The following GDA variants were observed in gnomAD, a reference collection of about 807,000 sequenced individuals.
GDA encodes cytoplasmic PSD-95 interactor.
GDA carries 18 observed loss-of-function variants against 59.6 expected under a neutral mutation model. That is an observed-to-expected ratio of 0.30 (90% confidence interval 0.21 to 0.45). The LOEUF is 0.45. Among genes scored for constraint, GDA ranks in the 20% least tolerant of loss-of-function variants. The pLI, the probability that GDA is intolerant of heterozygous loss-of-function variation, is 1.00. For missense variants in GDA, 427 were observed against 552.3 expected (o/e 0.77, Z 2.27); for synonymous variants, 201 against 201.1 (o/e 1.00, Z 0.00).
rs143504573 is a variant in GDA at position 72,188,175 on chromosome 9, G to A, written c.124-7325G>A. 5.7e-4 allele frequency among the ~76,000 whole-genome samples: 87 copies of A among 152,332 alleles called. No individual in the cohort carries two copies. In the Middle Eastern group the frequency reaches 0.01, roughly 18 times the overall value. The stretch of plus-strand genomic sequence containing the variant: ...AACAACAAAAAAGCATTCTAGTGTG[G>A]AACCAAGAGACCATTTACTGACGAG... On this transcript the variant is annotated intron_variant, in intron 1 of 13. Coordinates refer to ENST00000358399, the MANE Select transcript of GDA (RefSeq NM_004293.5).
chr9:72,126,296 C>T (rs949305752), intron 1 of GDA, among the ~76,000 whole-genome samples: 1 of 152,118 alleles, frequency 6.6e-6, no homozygotes, highest in Admixed American at 6.6e-5. Flanking sequence ...TTAGTTTGTT[C>T]GTTTATCTGT....
Position 72,194,869 on chromosome 9 carries a change from C to T in GDA, c.124-631C>T, listed in dbSNP as rs577109064. Among the ~76,000 whole-genome samples, 10 of 152,310 alleles carry T rather than the reference C, an allele frequency of 6.6e-5. No individual in the cohort carries two copies. In the South Asian group the frequency reaches 8.3e-4, roughly 13 times the overall value. On this transcript the variant is annotated intron_variant, in intron 1 of 13. Transcript: ENST00000358399. ...TTTGAATGTTCCCTCTGTGGGCAGA[C>T]ATCAGCTAAGTTTGGTCCAGTTTTC...
chr9:72,176,498 C>A (rs1378898688), intron 1 of GDA, among the ~76,000 whole-genome samples: 2 of 152,156 alleles, frequency 1.3e-5, no homozygotes, highest in African/African-American at 4.8e-5. Context: ...TGTTTGAAAT[C>A]TGAGCTGTGG....
At chr9:72,144,888 CTT>C (rs771762983), upstream of GDA, among the ~76,000 whole-genome samples, 49 of 141,818 alleles carry the variant, frequency 3.5e-4, no homozygotes, top group Admixed American at 1.3e-3. Context: ...TTTGGTGTAT[CTT>C]TTTTTTTTTT....
In GDA at chr9:72,250,795, A is replaced by G; in HGVS notation, c.*2453A>G. ...CAGCCTCCTCACCCCATCCTCCACC[A>G]TTTCCTTAATGTTCCATGGTATTTT... On this transcript the variant is annotated 3_prime_UTR_variant, in exon 14 of 14. Coordinates refer to ENST00000358399, the MANE Select transcript of GDA (RefSeq NM_004293.5). The G allele has an allele frequency of 1.9e-6, 3 of 1,609,776 alleles. No homozygotes were observed. Among genetic ancestry groups the G allele is most frequent in the East Asian group, 2.2e-5 (1 of 44,850 alleles).
intron 1 of GDA, among the ~76,000 whole-genome samples, chr9:72,117,927 A>G (rs1298129179): frequency 6.6e-6 from 1 of 152,184 alleles, no homozygotes; most frequent in African/African-American, 2.4e-5. Context: ...ACTGGACAAA[A>G]TATTGGTTGA....
chr9:72,114,964 GTTTATTTTT>G (rs1387215062), intron 1 of GDA: 1 of 152,180 alleles, frequency 6.6e-6, no homozygotes, highest in Non-Finnish European at 1.5e-5. Flanking sequence ...ACAGAGGTAA[GTTTATTTTT>G]GATGGACCTG....
chr9:72,229,171 TAAAAAA>T (rs34554102), intron 9 of GDA: 18 of 42,308 alleles, frequency 4.3e-4, no homozygotes, highest in Non-Finnish European at 5.6e-4. Flanking sequence ...CAGTCTCTAC[TAAAAAA>T]AAAAAAAAAA....
intron 1 of GDA, among the ~76,000 whole-genome samples, chr9:72,139,806 A>T (rs1275798847): frequency 1.3e-5 from 2 of 152,214 alleles, no homozygotes; most frequent in Non-Finnish European, 2.9e-5. Flanking sequence ...TTGTTTTGAG[A>T]GGAAAATGAA....
intron 4 of GDA, 55 bp downstream of exon 4, chr9:72,210,829 C>T (rs756018205): frequency 3.1e-5 from 33 of 1,074,286 alleles, no homozygotes; most frequent in Middle Eastern, 2.0e-4. Context: ...GCCAGACCAT[C>T]GTGGCAAACA....
chr9:72,175,343 C>T (rs1055852010), intron 1 of GDA, among the ~76,000 whole-genome samples: 4 of 152,060 alleles, frequency 2.6e-5, no homozygotes, highest in Non-Finnish European at 5.9e-5. Context: ...CATTGAGGTT[C>T]TATTCAGGGG....
At chr9:72,246,174 T>G (rs528169542) in intron 12 of GDA, among the ~76,000 whole-genome samples, 2 of 152,134 alleles carry the variant, frequency 1.3e-5, no homozygotes, top group Non-Finnish European at 2.9e-5. Context: ...TGAGACGGAG[T>G]TTTGCTCTTG....
intron 1 of GDA, among the ~76,000 whole-genome samples, chr9:72,126,521 G>T (rs1008862630): frequency 1.2e-4 from 18 of 151,164 alleles, no homozygotes; most frequent in African/African-American, 3.9e-4. Flanking sequence ...ATAGGAACTA[G>T]GATGACAACA....
At chr9:72,153,969 A>G (rs1395941356) in intron 1 of GDA, among the ~76,000 whole-genome samples, 1 of 152,128 alleles carries the variant, frequency 6.6e-6, no homozygotes, top group Non-Finnish European at 1.5e-5. Context: ...ATAATAAAAA[A>G]AAAATATAGA....
chr9:72,149,507 C>T lies in GDA; in HGVS notation c.-53C>T. 1.3e-6 allele frequency: 2 copies of T among 1,597,434 alleles called. No homozygotes were observed. The highest frequency in any genetic ancestry group is 1.7e-6 in the Non-Finnish European group (2 of 1,175,232). ...GCTGCAGAGAGTCCCGCTGCGTCTC[C>T]GCCGCGTGCGCCCTCCTCGACCAGC... On this transcript the variant is annotated 5_prime_UTR_variant, in exon 1 of 14. Transcript: ENST00000358399.
chr9:72,239,520 A>T (rs1311693515), intron 10 of GDA, among the ~76,000 whole-genome samples: 2 of 152,072 alleles, frequency 1.3e-5, no homozygotes, highest in African/African-American at 4.8e-5. Flanking sequence ...CTCTATGTTT[A>T]CTTCCAGTCG....
chr9:72,210,890 C>A, intron 4 of GDA, 116 bp downstream of exon 4: 1 of 665,960 alleles, frequency 1.5e-6, no homozygotes, highest in Non-Finnish European at 2.7e-6. Context: ...AGAACATGAG[C>A]ATTACATTTT....
intron 1 of GDA, among the ~76,000 whole-genome samples, chr9:72,121,816 A>T (rs1825672262): frequency 1.3e-5 from 2 of 152,174 alleles, no homozygotes; most frequent in African/African-American, 4.8e-5. Context: ...TGCTCTTGGC[A>T]ACATCACCAA....
chr9:72,181,732 C>T (rs1291483619), intron 1 of GDA, among the ~76,000 whole-genome samples: 2 of 152,064 alleles, frequency 1.3e-5, no homozygotes, highest in Admixed American at 6.6e-5. Flanking sequence ...CTTGAACTCC[C>T]GGGCTCAAGC....
Sources: gnomAD v4.1 joint callset for allele counts (sites outside exome capture counted in the v4.1 genomes callset) on GRCh38, gnomAD v4.1.1 for gene constraint, MANE v1.5 for transcripts, NCBI Gene and HGNC (gene_info 2026-07-23, HGNC 2026-07-21) for gene names.